Variants in EPB41L4A observed in about 807,000 individuals in gnomAD.
EPB41L4A encodes band 4.1-like protein 4A.
In EPB41L4A, 100 loss-of-function variants were observed where a neutral mutation model predicts 108.6. The ratio of observed to expected loss-of-function variants is 0.92; its 90% CI spans 0.78 to 1.09. EPB41L4A has a LOEUF of 1.09. Among genes scored for constraint, EPB41L4A ranks in the 50% least tolerant of loss-of-function variants. The pLI is 0.00. For synonymous variants in EPB41L4A, 319 were observed against 289.0 expected, an observed-to-expected ratio of 1.10 and a Z score of -1.05; for missense variants, 1,030 against 842.7, an observed-to-expected ratio of 1.22 and a Z score of -2.75.
At chr5:112,179,211 AC>A (rs1328540071) in intron 18 of EPB41L4A, among the ~76,000 whole-genome samples, 1 of 152,112 alleles carries the variant, frequency 6.6e-6, no homozygotes, top group Non-Finnish European at 1.5e-5. Flanking sequence ...GTAATTTAAA[AC>A]CTTCCACAAA....
intron 1 of EPB41L4A, among the ~76,000 whole-genome samples, chr5:112,396,854 A>G (rs114247940): frequency 0.015 from 2,298 of 152,354 alleles, 32 homozygotes; most frequent in Middle Eastern, 0.061. Context: ...TGAAAGGAGA[A>G]GTATCAAGAA....
intron 12 of EPB41L4A, among the ~76,000 whole-genome samples, chr5:112,151,233 C>T (rs1277195110): frequency 6.6e-6 from 1 of 151,174 alleles, no homozygotes; most frequent in Non-Finnish European, 1.5e-5. Context: ...GACTATAAAT[C>T]GATAAGAATG....
intron 1 of EPB41L4A, among the ~76,000 whole-genome samples, chr5:112,341,599 A>C (rs2150700964): frequency 1.3e-5 from 2 of 152,286 alleles, no homozygotes; most frequent in East Asian, 3.9e-4. Flanking sequence ...CAACAATCCC[A>C]AAAGAAAGTA....
Position 112,277,336 on chromosome 5 carries a change from G to T in EPB41L4A, c.257-1932C>A, listed in dbSNP as rs184867727. On this transcript the variant is annotated intron_variant, in intron 3 of 22. Transcript: ENST00000261486. ...CCCACGCATTTCAAATGTTCAGTAT[G>T]AACAGTTAAGCAAAAATGTTAAAAG... 1.8e-4 allele frequency among the ~76,000 whole-genome samples: 27 copies of T among 152,276 alleles called. No individual in the cohort carries two copies. In the South Asian group the frequency reaches 5.4e-3, roughly 30 times the overall value.
intron 17 of EPB41L4A, among the ~76,000 whole-genome samples, chr5:112,187,371 T>C (rs1020704043): frequency 6.6e-6 from 1 of 152,222 alleles, no homozygotes; most frequent in Non-Finnish European, 1.5e-5. Context: ...TTTTTGTTTT[T>C]CAGTTAATGT....
intron 12 of EPB41L4A, chr5:112,228,900 G>A (rs1179583907): frequency 5.7e-6 from 1 of 176,640 alleles, no homozygotes; most frequent in Non-Finnish European, 1.1e-5. Context: ...ACTTGATTCT[G>A]GAATGTACTT....
intron 1 of EPB41L4A, among the ~76,000 whole-genome samples, chr5:112,395,071 T>C (rs1761239279): frequency 2.0e-5 from 3 of 152,226 alleles, no homozygotes; most frequent in Non-Finnish European, 4.4e-5. Flanking sequence ...GATCCCTTCC[T>C]TACACCTTAT....
At chr5:112,168,072 T>C (rs1760359824) in intron 22 of EPB41L4A, among the ~76,000 whole-genome samples, 1 of 152,208 alleles carries the variant, frequency 6.6e-6, no homozygotes, top group Non-Finnish European at 1.5e-5. Flanking sequence ...TTTACAGTGG[T>C]TGTTTAACCA....
At chr5:112,404,157 C>A (rs1365406714) in intron 1 of EPB41L4A, among the ~76,000 whole-genome samples, 2 of 152,218 alleles carry the variant, frequency 1.3e-5, no homozygotes, top group Non-Finnish European at 2.9e-5. Context: ...TAAGGCACAG[C>A]ACTATCTAAC....
intron 22 of EPB41L4A, among the ~76,000 whole-genome samples, chr5:112,166,043 T>A (rs764971936): frequency 2.0e-5 from 3 of 152,134 alleles, no homozygotes; most frequent in African/African-American, 7.2e-5. Flanking sequence ...AGCAGAAGAA[T>A]TACCAGAAAA....
chr5:112,264,840 A>T, intron 6 of EPB41L4A, 56 bp downstream of exon 6: 7 of 1,549,404 alleles, frequency 4.5e-6, no homozygotes, highest in Non-Finnish European at 6.1e-6. Flanking sequence ...TCTTGTGAAT[A>T]TCAGAAGATG....
intron 9 of EPB41L4A, among the ~76,000 whole-genome samples, chr5:112,243,808 A>T (rs1749995392): frequency 6.6e-6 from 1 of 152,188 alleles, no homozygotes; most frequent in African/African-American, 2.4e-5. Flanking sequence ...AATTGAAGAG[A>T]GTTAGAGCCT....
intron 1 of EPB41L4A, among the ~76,000 whole-genome samples, chr5:112,324,904 A>T (rs916388654): frequency 9.9e-5 from 15 of 152,152 alleles, no homozygotes; most frequent in African/African-American, 3.6e-4. Flanking sequence ...TTATGATACT[A>T]AATGTGTGGT....
intron 4 of EPB41L4A, among the ~76,000 whole-genome samples, chr5:112,267,866 G>C (rs1340509767): frequency 3.9e-5 from 6 of 152,016 alleles, no homozygotes; most frequent in African/African-American, 1.4e-4. Flanking sequence ...TTGTAAAACT[G>C]ACTTCTTCTT....
intron 18 of EPB41L4A, among the ~76,000 whole-genome samples, chr5:112,179,226 C>T (rs1008001860): frequency 6.6e-6 from 1 of 152,022 alleles, no homozygotes; most frequent in Non-Finnish European, 1.5e-5. Flanking sequence ...CCACAAAGAA[C>T]ATTCCAGGCA....
intron 17 of EPB41L4A, among the ~76,000 whole-genome samples, chr5:112,189,330 C>T (rs532511839): frequency 6.6e-6 from 1 of 152,282 alleles, no homozygotes; most frequent in Non-Finnish European, 1.5e-5. Context: ...CTTCACAAAC[C>T]TCTAGTGAGG....
rs150089170 is a variant in EPB41L4A, at chr5:112,339,809, T to C, written c.100-32319A>G. On this transcript the variant is annotated intron_variant, in intron 1 of 22. Transcript: ENST00000261486. ...CCTTCGCCTCCCAAAGTACTAGGAT[T>C]ATAGGCGTGAGCCACCACGCTTGGC... Among the ~76,000 whole-genome samples, 311 of 152,214 alleles carry C rather than the reference T, an allele frequency of 2.0e-3. 3 individuals are homozygous for C. Among genetic ancestry groups the C allele is most frequent in the African/African-American group, 7.1e-3 (296 of 41,530 alleles).
intron 12 of EPB41L4A, among the ~76,000 whole-genome samples, chr5:112,152,784 G>T (rs1349127514): frequency 6.6e-6 from 1 of 151,872 alleles, no homozygotes; most frequent in African/African-American, 2.4e-5. Flanking sequence ...ACCAATAAAA[G>T]TTCATGTGAA....
At chr5:112,170,467 C>T (rs980040648) in intron 19 of EPB41L4A, 98 bp from the exon 20 acceptor site, 7 of 777,694 alleles carry the variant, frequency 9.0e-6, no homozygotes, top group Non-Finnish European at 1.5e-5. Context: ...CTAATCTTGT[C>T]CCAAAACAGT....
Sources: allele counts gnomAD v4.1 joint callset (sites outside exome capture counted in the v4.1 genomes callset), GRCh38; gene constraint gnomAD v4.1.1; transcripts MANE v1.5; gene names NCBI Gene and HGNC (gene_info 2026-07-23, HGNC 2026-07-21).